The following NABP1 variants were observed in gnomAD, a reference collection of about 807,000 sequenced individuals.
NABP1 encodes the protein nucleic acid binding protein 1.
Under a neutral mutation model 25.0 loss-of-function variants are expected in NABP1, and 18 were observed. The observed-to-expected ratio is 0.72, with a 90% CI of 0.50 to 1.07. NABP1 has a LOEUF of 1.07. Among genes scored for constraint, NABP1 ranks in the 50% least tolerant of loss-of-function variants. NABP1 has a pLI of 0.00. For synonymous variants in NABP1, 71 were observed against 85.0 expected, an observed-to-expected ratio of 0.84 and a Z score of 0.91; for missense variants, 270 against 255.6, an observed-to-expected ratio of 1.06 and a Z score of -0.39.
chr2:191,681,635 C>T (rs955693686), intron 2 of NABP1, among the ~76,000 whole-genome samples: 33 of 152,006 alleles, frequency 2.2e-4, no homozygotes, highest in Non-Finnish European at 3.5e-4. Flanking sequence ...CAATTAAAAG[C>T]TTTTGTTTTG....
At chr2:191,682,202 G>A in intron 3 of NABP1, 185 bp downstream of exon 3, 1 of 461,302 alleles carries the variant, frequency 2.2e-6, no homozygotes, top group South Asian at 3.4e-5. Flanking sequence ...TGTTTTCTGT[G>A]GTTAAAAGTG....
rs1687828703 is a variant in NABP1 at position 191,686,602 on chromosome 2, G to A, written c.*834G>A. 1 of 152,196 alleles carries A rather than the reference G, an allele frequency of 6.6e-6. No homozygotes were observed. The highest frequency in any genetic ancestry group is 2.4e-5 in the African/African-American group (1 of 41,444). 9.4% of individuals were successfully genotyped at this position (152,196 alleles called of 1,614,324 possible). A position where few individuals can be genotyped will look rare whatever the true frequency, so the allele number is the denominator to read the frequency against. On this transcript the variant is annotated 3_prime_UTR_variant, in exon 6 of 6. Transcript: ENST00000425611. Reference sequence around the variant, plus strand: ...TGGTAGATAAACATACTGGAGGTGAGTCAAATTGAATTCATATAGTAACAT... The same window carrying A: ...TGGTAGATAAACATACTGGAGGTGAATCAAATTGAATTCATATAGTAACAT...
chr2:191,686,498 A>G lies in NABP1; in HGVS notation c.*730A>G, dbSNP rs1307093796. ...TGAATATTTATTTTTTGAAACTACC[A>G]TGTTAAATACTGAAGTATAATTTGG... On this transcript the variant is annotated 3_prime_UTR_variant, in exon 6 of 6. Transcript: ENST00000425611. 2 of 152,244 alleles carry G rather than the reference A, an allele frequency of 1.3e-5. No homozygotes were observed. The highest frequency in any genetic ancestry group is 2.4e-5 in the African/African-American group (1 of 41,468). The allele number at this position is 152,244 out of a possible 1,614,324, so 9.4% of individuals were successfully genotyped here.
chr2:191,685,530 C>A, intron 5 of NABP1, 69 bp from the exon 6 acceptor site: 1 of 1,315,720 alleles, frequency 7.6e-7, no homozygotes, highest in Non-Finnish European at 1.0e-6. Context: ...AACATGTTGG[C>A]ACTTAAGATA....
rs1208105793 is a variant in NABP1 at position 191,683,160 on chromosome 2, C to A, written c.303-569C>A. ...TATGGTGAGGAGTAATAAAATGCTT[C>A]TTTGTAATGTTAGTACACATTATAT... On this transcript the variant is annotated intron_variant, in intron 3 of 5. Coordinates refer to ENST00000425611, the MANE Select transcript of NABP1 (RefSeq NM_001031716.5). The surrounding 1 kb of genome is among the most constrained non-coding windows in gnomAD (Gnocchi z 4.1). The A allele has an allele frequency of 6.4e-6, 1 of 157,456 alleles. No homozygotes were observed. The highest frequency in any genetic ancestry group is 1.4e-5 in the Non-Finnish European group (1 of 71,444). 9.8% of individuals were successfully genotyped at this position (157,456 alleles called of 1,614,324 possible).
In NABP1 at chr2:191,685,948, C is replaced by T. The variant is rs527410275; in HGVS notation, c.*180C>T. 17 of 544,192 alleles carry T rather than the reference C, an allele frequency of 3.1e-5. No homozygotes were observed. The South Asian group carries it at 4.4e-4, about 14-fold the overall frequency. 33.7% of individuals were successfully genotyped at this position (544,192 alleles called of 1,614,324 possible). ...AAAACTGTTAAGCTGCTCGAGTCTC[C>T]TGTTGAAGAATGGGAACACTGAAAA... On this transcript the variant is annotated 3_prime_UTR_variant, in exon 6 of 6. Coordinates refer to ENST00000425611, the MANE Select transcript of NABP1 (RefSeq NM_001031716.5).
At chr2:191,681,844 C>A in intron 2 of NABP1, 102 bp from the exon 3 acceptor site, 1 of 689,760 alleles carries the variant, frequency 1.4e-6, no homozygotes, top group Non-Finnish European at 2.2e-6. Flanking sequence ...TTGATCCTCA[C>A]TTCTACCTTA....
intron 2 of NABP1, among the ~76,000 whole-genome samples, chr2:191,679,768 G>A (rs1687624324): frequency 6.6e-6 from 1 of 152,184 alleles, no homozygotes; most frequent in Non-Finnish European, 1.5e-5. Context: ...TTTCTCTAGT[G>A]TAGTTGCCAC....
chr2:191,678,871 G>A (rs1052709974), intron 1 of NABP1, 119 bp from the exon 2 acceptor site: 18 of 1,467,682 alleles, frequency 1.2e-5, no homozygotes, highest in Admixed American at 5.5e-5. Flanking sequence ...TGAGGCGGGA[G>A]CCCTGGGCTT....
chr2:191,681,635 CTTTTG>C (rs1046822256), intron 2 of NABP1, among the ~76,000 whole-genome samples: 94 of 152,124 alleles, frequency 6.2e-4, no homozygotes, highest in African/African-American at 2.1e-3. Context: ...CAATTAAAAG[CTTTTG>C]TTTTGTTAAT....
chr2:191,678,733 C>A, intron 1 of NABP1, 28 bp downstream of exon 1: 2 of 1,584,884 alleles, frequency 1.3e-6, no homozygotes, highest in South Asian at 1.1e-5. Flanking sequence ...CCTACTCCAC[C>A]GCCCGCTGTG....
Position 191,678,626 on chromosome 2 carries a change from C to A in NABP1, c.12C>A (p.Val4=), listed in dbSNP as rs1558984723. ...GCGCCTGTCCCAATATGAATAGGGT[C>A]AACGACCCACTTATTTTTATAAGAG... The part of the protein sequence containing the change: MNR[V]NDPLIFIRDI... Residue 4 remains valine, a synonymous_variant, in exon 1 of 6, where the codon GTC becomes GTA. Coordinates refer to ENST00000425611, the MANE Select transcript of NABP1 (RefSeq NM_001031716.5). 6.8e-6 allele frequency: 11 copies of A among 1,613,032 alleles called. No homozygotes were observed. Among genetic ancestry groups the A allele is most frequent in the Non-Finnish European group, 8.5e-6 (10 of 1,179,480 alleles).
chr2:191,681,457 T>C (rs1296902838), intron 2 of NABP1, among the ~76,000 whole-genome samples: 3 of 152,212 alleles, frequency 2.0e-5, no homozygotes, highest in Non-Finnish European at 2.9e-5. Context: ...TTAGTGTTTT[T>C]TTTAGCACTT....
At chr2:191,684,374 A>T in intron 5 of NABP1, 78 bp downstream of exon 5, 1 of 1,006,954 alleles carries the variant, frequency 9.9e-7, no homozygotes, top group South Asian at 2.2e-5. Flanking sequence ...GTGAAAAGCA[A>T]CGTCTTTAGG....
chr2:191,679,003 A>C lies in NABP1; in HGVS notation c.105A>C (p.Lys35Asn), dbSNP rs780887979. The C allele has an allele frequency of 9.3e-6, 15 of 1,614,110 alleles. No homozygotes were observed. The highest frequency in any genetic ancestry group is 1.3e-5 in the Non-Finnish European group (15 of 1,180,046). Residue 35 changes from lysine to asparagine, a missense_variant, in exon 2 of 6, where the codon AAA becomes AAC. Coordinates refer to ENST00000425611, the MANE Select transcript of NABP1 (RefSeq NM_001031716.5). ...AAATCCTCACAGGACGCGTGACCAA[A>C]ACCAAAGACGGCCATGAAGTGAGAT... ...FIVLEIGRVT[K>N]TKDGHEVRSC... is the part of the protein sequence containing the mutation.
chr2:191,685,950 G>T lies in NABP1; in HGVS notation c.*182G>T. ...AACTGTTAAGCTGCTCGAGTCTCCT[G>T]TTGAAGAATGGGAACACTGAAAAGT... On this transcript the variant is annotated 3_prime_UTR_variant, in exon 6 of 6. Transcript: ENST00000425611. 1.9e-6 allele frequency: 1 copy of T among 535,464 alleles called. No individual in the cohort carries two copies. The highest frequency in any genetic ancestry group is 2.6e-5 in the South Asian group (1 of 38,572). The allele number at this position is 535,464 out of a possible 1,614,324, so 33.2% of individuals were successfully genotyped here.
chr2:191,681,268 G>A lies in NABP1; in HGVS notation c.231-678G>A, dbSNP rs141509658. On this transcript the variant is annotated intron_variant, in intron 2 of 5. Transcript: ENST00000425611. ...AGAGAACCATTGAGAACCAAACCTT[G>A]GATTGATTTTATAATATTAATTTAC... is the stretch of plus-strand genomic sequence containing the variant. 2.0e-3 allele frequency among the ~76,000 whole-genome samples: 305 copies of A among 152,074 alleles called. 1 individual carries two copies. The highest frequency in any genetic ancestry group is 7.2e-3 in the African/African-American group (298 of 41,486).
Position 191,684,307 on chromosome 2 carries a change from G to A in NABP1, c.445+11G>A, listed in dbSNP as rs183182061. 2.4e-4 allele frequency: 365 copies of A among 1,505,216 alleles called. No individual in the cohort carries two copies. Among genetic ancestry groups the A allele is most frequent in the Admixed American group, 4.6e-4 (18 of 39,240 alleles). 93.2% of individuals were successfully genotyped at this position (1,505,216 alleles called of 1,614,324 possible). ...CATTTGGACCAGTGGGTAAGATTTT[G>A]TTTGTGTGTTTCATTTGTGATCAGG... On this transcript the variant is annotated intron_variant, in intron 5 of 5. Transcript: ENST00000425611.
At chr2:191,681,432 T>G (rs1353821994) in intron 2 of NABP1, among the ~76,000 whole-genome samples, 1 of 152,198 alleles carries the variant, frequency 6.6e-6, no homozygotes. Flanking sequence ...GGCAGATAGG[T>G]GAAGCTTTGT....
Sources: gnomAD v4.1 joint callset for allele counts (sites outside exome capture counted in the v4.1 genomes callset) on GRCh38, gnomAD v4.1.1 for gene constraint, Gnocchi (gnomAD v3.1) non-coding constraint, MANE v1.5 for transcripts, NCBI Gene and HGNC (gene_info 2026-07-23, HGNC 2026-07-21) for gene names.